HPS6: variants seen among roughly 807,000 people sequenced by gnomAD.
HPS6 encodes BLOC-2 complex member HPS6.
A neutral mutation model predicts 53.6 loss-of-function variants in HPS6; 46 were observed. The observed-to-expected ratio is 0.86, with a 90% CI of 0.68 to 1.10. The LOEUF (loss-of-function observed/expected upper bound fraction) is 1.10. HPS6 is among the 50% of genes least tolerant of loss of function. The probability of loss-of-function intolerance (pLI) is 0.00; values close to 1 mark genes in which losing one functional copy is unlikely to be tolerated. For missense variants in HPS6, 1,034 were observed against 991.3 expected (o/e 1.04, Z -0.58); for synonymous variants, 535 against 470.8 (o/e 1.14, Z -1.77).
Position 102,066,067 on chromosome 10 carries a change from GACA to G in HPS6, c.596_598del (p.Gln199del). The G allele has an allele frequency of 1.9e-6, 3 of 1,611,950 alleles. No homozygotes were observed. The highest frequency in any genetic ancestry group is 2.5e-6 in the Non-Finnish European group (3 of 1,180,024). ...GCCTTCGGGCTGCTGGCCTCCTGCA[GACA>G]ACTCTTCCTGGTGCCCACTGCCACC... On this transcript the variant is annotated inframe_deletion, in exon 1 of 1. Coordinates refer to ENST00000299238, the MANE Select transcript of HPS6 (RefSeq NM_024747.6).
chr10:102,067,778 C>T lies in HPS6; in HGVS notation c.2304C>T (p.Pro768=). Reference sequence around the variant, plus strand: ...TCCTATGGGACCCCAGCACTCCACCCCCGACTCCACCTCGGGACCTATGAC... The same window carrying T: ...TCCTATGGGACCCCAGCACTCCACCTCCGACTCCACCTCGGGACCTATGAC... ...EDILWDPSTP[P]PTPPRDL is the part of the protein sequence containing the mutation. The change falls in exon 1 of 1, where the codon CCC becomes CCT. Residue 768 remains proline, a synonymous_variant. Coordinates refer to ENST00000299238, the MANE Select transcript of HPS6 (RefSeq NM_024747.6). 1 of 1,613,128 alleles carries T rather than the reference C, an allele frequency of 6.2e-7. No homozygotes were observed. Among genetic ancestry groups the T allele is most frequent in the Non-Finnish European group, 8.5e-7 (1 of 1,180,032 alleles).
In HPS6 at chr10:102,065,442, CA is replaced by C. The variant is rs754592144; in HGVS notation, c.-30del. On this transcript the variant is annotated 5_prime_UTR_variant, in exon 1 of 1. Coordinates refer to ENST00000299238, the MANE Select transcript of HPS6 (RefSeq NM_024747.6). ...GCCCTGCTGGGCGGCTGGACCTGGG[CA>C]AAGCCTGGGCGCGCTCCCGCGCAGC... 3.6e-5 allele frequency: 55 copies of C among 1,536,940 alleles called. 1 individual carries two copies. The highest frequency in any genetic ancestry group is 4.6e-5 in the Non-Finnish European group (53 of 1,152,738).
Position 102,067,392 on chromosome 10 carries a change from G to A in HPS6, c.1918G>A (p.Val640Ile). Residue 640 changes from valine to isoleucine, a missense_variant, in exon 1 of 1, where the codon GTC (valine) becomes ATC (isoleucine). Physicochemically the swap from Val to Ile is conservative, Grantham distance 29. Coordinates refer to ENST00000299238, the MANE Select transcript of HPS6 (RefSeq NM_024747.6). Reference protein sequence around the residue: ...SGRPKAVLQAVGQLVQKEQWD... With the variant: ...SGRPKAVLQAIGQLVQKEQWD... ...GCGGCCTAAAGCTGTGCTCCAAGCT[G>A]TCGGGCAGCTGGTGCAAAAGGAACA... 6.2e-7 allele frequency: 1 copy of A among 1,612,894 alleles called. No individual in the cohort carries two copies. The highest frequency in any genetic ancestry group is 8.5e-7 in the Non-Finnish European group (1 of 1,180,014).
Position 102,065,414 on chromosome 10 carries a change from C to G in HPS6, c.-61C>G. The G allele has an allele frequency of 6.7e-7, 1 of 1,486,036 alleles. No homozygotes were observed. The highest frequency in any genetic ancestry group is 8.9e-7 in the Non-Finnish European group (1 of 1,121,562). 92.1% of individuals were successfully genotyped at this position (1,486,036 alleles called of 1,614,324 possible). The stretch of plus-strand genomic sequence containing the variant: ...TGCTCCGCTCCCCCGAGAATCGGGC[C>G]TCGCCCTGCTGGGCGGCTGGACCTG... On this transcript the variant is annotated 5_prime_UTR_variant, in exon 1 of 1. Transcript: ENST00000299238.
rs764714429 is a variant in HPS6 at position 102,065,654 on chromosome 10, G to A, written c.180G>A (p.Ser60=). 2.6e-6 allele frequency: 4 copies of A among 1,538,038 alleles called. No individual in the cohort carries two copies. In the South Asian group the frequency reaches 4.8e-5, roughly 18 times the overall value. The change falls in exon 1 of 1, where the codon TCG becomes TCA. Residue 60 remains serine, a synonymous_variant. Transcript: ENST00000299238. ...GAVAPQLLVA[S]RGPGAELERA... ...TAGCCCCACAGCTGCTAGTCGCGTC[G>A]CGAGGGCCCGGCGCGGAGCTAGAGC...
rs1299814967 is a variant in HPS6 at position 102,066,950 on chromosome 10, C to T, written c.1476C>T (p.Arg492=). The change falls in exon 1 of 1, where the codon CGC becomes CGT. Residue 492 remains arginine (R), a synonymous_variant. Coordinates refer to ENST00000299238, the MANE Select transcript of HPS6 (RefSeq NM_024747.6). Reference sequence around the variant, plus strand: ...AGCTGGCGGAGCAGGAAGTGGCACGCCTGCTGAGGACTGAGTTGATAGGAG... The same window carrying T: ...AGCTGGCGGAGCAGGAAGTGGCACGTCTGCTGAGGACTGAGTTGATAGGAG... ...WTELAEQEVA[R]LLRTELIGDQ... 1 of 1,614,042 alleles carries T rather than the reference C, an allele frequency of 6.2e-7. No individual in the cohort carries two copies. The highest frequency in any genetic ancestry group is 8.5e-7 in the Non-Finnish European group (1 of 1,180,028).
rs752267161 is a variant in HPS6, at chr10:102,065,660, G to A, written c.186G>A (p.Gly62=). The A allele has an allele frequency of 1.3e-6, 2 of 1,536,458 alleles. No individual in the cohort carries two copies. Among genetic ancestry groups the A allele is most frequent in the South Asian group, 2.4e-5 (2 of 83,756 alleles). Residue 62 remains glycine, a synonymous_variant, in exon 1 of 1, where the codon GGG becomes GGA. Transcript: ENST00000299238. ...CACAGCTGCTAGTCGCGTCGCGAGG[G>A]CCCGGCGCGGAGCTAGAGCGGGCCT... ...VAPQLLVASR[G]PGAELERAWP...
rs1267490662 is a variant in HPS6 at position 102,065,715 on chromosome 10, G to C, written c.241G>C (p.Ala81Pro). ...GGCCGGCCAGCCCTCCCCGCTGGAC[G>C]CCTTCTTCCTGCCGTGGCCAGCGCG... ...WPAGQPSPLD[A>P]FFLPWPARPA... The change falls in exon 1 of 1, where the codon GCC becomes CCC. Residue 81 changes from alanine to proline, a missense_variant. By Grantham distance (27) the Ala-to-Pro change is conservative. Transcript: ENST00000299238. 7.3e-6 allele frequency: 11 copies of C among 1,506,404 alleles called. No individual in the cohort carries two copies. The highest frequency in any genetic ancestry group is 1.4e-5 in the African/African-American group (1 of 69,214). The allele number at this position is 1,506,404 out of a possible 1,614,324, so 93.3% of individuals were successfully genotyped here.
rs747636493 is a variant in HPS6 at position 102,067,119 on chromosome 10, G to C, written c.1645G>C (p.Gly549Arg). 4.3e-6 allele frequency: 7 copies of C among 1,614,114 alleles called. No individual in the cohort carries two copies. The highest frequency in any genetic ancestry group is 3.3e-5 in the South Asian group (3 of 91,090). ...APPDVWKKVL[G>R]GITAGKEPPN... is the part of the protein sequence containing the mutation. ...CCCTGATGTGTGGAAGAAAGTGTTA[G>C]GGGGAATAACCGCTGGAAAGGAACC... The change falls in exon 1 of 1, where the codon GGG becomes CGG. Residue 549 changes from glycine (G) to arginine (R), a missense_variant. Gly to Arg is a moderately radical substitution (Grantham distance 125). Transcript: ENST00000299238.
chr10:102,067,190 G>C lies in HPS6; in HGVS notation c.1716G>C (p.Leu572=). Reference sequence around the variant, plus strand: ...CCTTTGAACTCCTGTGCCAGTGTCTGTGCCAGCTGGAGCCTCGATGGCTGC... The same window carrying C: ...CCTTTGAACTCCTGTGCCAGTGTCTCTGCCAGCTGGAGCCTCGATGGCTGC... ...LPPFELLCQC[L]CQLEPRWLPP... The change falls in exon 1 of 1, where the codon CTG becomes CTC. Residue 572 remains leucine (L), a synonymous_variant. Transcript: ENST00000299238. 6 of 1,613,424 alleles carry C rather than the reference G, an allele frequency of 3.7e-6. No homozygotes were observed. In the South Asian group the frequency reaches 6.6e-5, roughly 18 times the overall value.
chr10:102,067,343 G>A lies in HPS6; in HGVS notation c.1869G>A (p.Glu623=), dbSNP rs2067979598. ...AGGGGACCAGGCCTGAGGCTCTGGAGCTAGAGCTGCTCTTGAGCAGTGGGC... is the reference window on the plus strand; with the variant it reads ...AGGGGACCAGGCCTGAGGCTCTGGAACTAGAGCTGCTCTTGAGCAGTGGGC... The part of the protein sequence containing the change: ...GEEGTRPEAL[E]LELLLSSGRP... Residue 623 remains glutamate, a synonymous_variant, in exon 1 of 1, where the codon GAG becomes GAA. Transcript: ENST00000299238. 4.3e-6 allele frequency: 7 copies of A among 1,613,048 alleles called. No individual in the cohort carries two copies. Among genetic ancestry groups the A allele is most frequent in the Non-Finnish European group, 5.9e-6 (7 of 1,179,920 alleles).
rs1003468935 is a variant in HPS6, at chr10:102,065,422, G to C, written c.-53G>C. ...TCCCCCGAGAATCGGGCCTCGCCCTGCTGGGCGGCTGGACCTGGGCAAAGC... is the reference window on the plus strand; with the variant it reads ...TCCCCCGAGAATCGGGCCTCGCCCTCCTGGGCGGCTGGACCTGGGCAAAGC... On this transcript the variant is annotated 5_prime_UTR_variant, in exon 1 of 1. Transcript: ENST00000299238. 8.0e-6 allele frequency: 12 copies of C among 1,506,678 alleles called. No homozygotes were observed. The highest frequency in any genetic ancestry group is 5.4e-5 in the East Asian group (2 of 37,350). 93.3% of individuals were successfully genotyped at this position (1,506,678 alleles called of 1,614,324 possible). A position where few individuals can be genotyped will look rare whatever the true frequency, so the allele number is the denominator to read the frequency against.
chr10:102,065,447 C>G lies in HPS6; in HGVS notation c.-28C>G. The G allele has an allele frequency of 3.9e-6, 6 of 1,541,588 alleles. No individual in the cohort carries two copies. Among genetic ancestry groups the G allele is most frequent in the Non-Finnish European group, 4.3e-6 (5 of 1,155,100 alleles). ...GCTGGGCGGCTGGACCTGGGCAAAG[C>G]CTGGGCGCGCTCCCGCGCAGCGGCG... On this transcript the variant is annotated 5_prime_UTR_variant, in exon 1 of 1. Transcript: ENST00000299238.
At position 102,067,632 on chromosome 10, in the gene HPS6, A is replaced by G. The variant is rs777646137; in HGVS notation, c.2158A>G (p.Thr720Ala). ...CCTCCCAGATGAGGTGGGGCCCCCA[A>G]CCCCATTCCCTGAGCCTGGAGCAGA... Reference protein sequence around the residue: ...TYLPDEVGPPTPFPEPGAEPP... With the variant: ...TYLPDEVGPPAPFPEPGAEPP... Residue 720 changes from threonine (T) to alanine (A), a missense_variant, in exon 1 of 1, where the codon ACC (threonine) becomes GCC (alanine). Physicochemically the swap from Thr to Ala is moderately conservative, Grantham distance 58. Coordinates refer to ENST00000299238, the MANE Select transcript of HPS6 (RefSeq NM_024747.6). 11 of 1,613,624 alleles carry G rather than the reference A, an allele frequency of 6.8e-6. No individual in the cohort carries two copies. The highest frequency in any genetic ancestry group is 5.3e-5 in the African/African-American group (4 of 74,862).
In HPS6 at chr10:102,067,378, C is replaced by G. The variant is rs761814836; in HGVS notation, c.1904C>G (p.Ala635Gly). The stretch of plus-strand genomic sequence containing the variant: ...CTCTTGAGCAGTGGGCGGCCTAAAG[C>G]TGTGCTCCAAGCTGTCGGGCAGCTG... Reference protein sequence around the residue: ...ELLLSSGRPKAVLQAVGQLVQ... With the variant: ...ELLLSSGRPKGVLQAVGQLVQ... The change falls in exon 1 of 1, where the codon GCT becomes GGT. Residue 635 changes from alanine to glycine, a missense_variant. Coordinates refer to ENST00000299238, the MANE Select transcript of HPS6 (RefSeq NM_024747.6). The G allele has an allele frequency of 3.7e-6, 6 of 1,612,892 alleles. 1 individual carries two copies. Among genetic ancestry groups the G allele is most frequent in the East Asian group, 2.2e-5 (1 of 44,898 alleles).
chr10:102,067,145 C>T lies in HPS6; in HGVS notation c.1671C>T (p.Pro557=), dbSNP rs1057411887. The change falls in exon 1 of 1, where the codon CCC becomes CCT. Residue 557 remains proline, a synonymous_variant. Coordinates refer to ENST00000299238, the MANE Select transcript of HPS6 (RefSeq NM_024747.6). ...VLGGITAGKE[P]PNGILPPFEL... ...GGGGAATAACCGCTGGAAAGGAACCCCCCAATGGAATACTGCCCCCCTTTG... is the reference window on the plus strand; with the variant it reads ...GGGGAATAACCGCTGGAAAGGAACCTCCCAATGGAATACTGCCCCCCTTTG... 2 of 1,613,898 alleles carry T rather than the reference C, an allele frequency of 1.2e-6. No homozygotes were observed. Among genetic ancestry groups the T allele is most frequent in the East Asian group, 2.2e-5 (1 of 44,882 alleles).
Position 102,066,959 on chromosome 10 carries a change from G to T in HPS6, c.1485G>T (p.Arg495Ser). Residue 495 changes from arginine to serine, a missense_variant, in exon 1 of 1, where the codon AGG (arginine) becomes AGT (serine). Coordinates refer to ENST00000299238, the MANE Select transcript of HPS6 (RefSeq NM_024747.6). ...AGCAGGAAGTGGCACGCCTGCTGAG[G>T]ACTGAGTTGATAGGAGACCAGCTAG... ...LAEQEVARLL[R>S]TELIGDQLAQ... The T allele has an allele frequency of 6.2e-7, 1 of 1,614,198 alleles. No homozygotes were observed. The highest frequency in any genetic ancestry group is 8.5e-7 in the Non-Finnish European group (1 of 1,180,038).
rs2067984354 is a variant in HPS6 at position 102,067,986 on chromosome 10, C to G, written c.*184C>G. 2 of 693,052 alleles carry G rather than the reference C, an allele frequency of 2.9e-6. No homozygotes were observed. Among genetic ancestry groups the G allele is most frequent in the African/African-American group, 1.8e-5 (1 of 55,920 alleles). 42.9% of individuals were successfully genotyped at this position (693,052 alleles called of 1,614,324 possible). A position where few individuals can be genotyped will look rare whatever the true frequency, so the allele number is the denominator to read the frequency against. ...TGTGTATGCAATACTGTTCTGTCAT[C>G]TGGAGCTATTTTTAAGATGTGTGTG... On this transcript the variant is annotated 3_prime_UTR_variant, in exon 1 of 1. Transcript: ENST00000299238.
Position 102,067,742 on chromosome 10 carries a change from A to G in HPS6, c.2268A>G (p.Pro756=), listed in dbSNP as rs1243629241. The change falls in exon 1 of 1, where the codon CCA becomes CCG. Residue 756 remains proline, a synonymous_variant. Transcript: ENST00000299238. ...QGWLSGPVLS[P]YEDILWDPST... is the part of the protein sequence containing the mutation. The stretch of plus-strand genomic sequence containing the variant: ...GGCTGTCGGGCCCAGTTCTAAGCCC[A>G]TATGAGGACATCCTATGGGACCCCA... 8 of 1,613,082 alleles carry G rather than the reference A, an allele frequency of 5.0e-6. No individual in the cohort carries two copies. Among genetic ancestry groups the G allele is most frequent in the Non-Finnish European group, 6.8e-6 (8 of 1,180,024 alleles).
Sources: allele counts gnomAD v4.1 joint callset, GRCh38; gene constraint gnomAD v4.1.1; transcripts MANE v1.5; gene names NCBI Gene and HGNC (gene_info 2026-07-23, HGNC 2026-07-21).